The following NAV1 variants were observed in gnomAD, a reference collection of about 807,000 sequenced individuals.
NAV1 encodes the protein pore membrane and/or filament interacting like protein 3.
Under a neutral mutation model 175.2 loss-of-function variants are expected in NAV1, and 18 were observed. The observed-to-expected ratio is 0.10, with a 90% CI of 0.07 to 0.15. The LOEUF is 0.15. Ranked by LOEUF, NAV1 falls within the 10% of genes least tolerant of loss-of-function variation. NAV1 has a pLI of 1.00. For missense variants in NAV1, 1,731 were observed against 2,436.6 expected, an observed-to-expected ratio of 0.71 and a Z score of 6.10; for synonymous variants, 897 against 978.7, an observed-to-expected ratio of 0.92 and a Z score of 1.56.
At chr1:201,776,899 G>A (rs1675988567) in intron 3 of NAV1, among the ~76,000 whole-genome samples, 1 of 152,080 alleles carries the variant, frequency 6.6e-6, no homozygotes, top group African/African-American at 2.4e-5. Flanking sequence ...CACATCATTA[G>A]CGATGTTTCA....
At chr1:201,705,362 C>G in intron 1 of NAV1, among the ~76,000 whole-genome samples, 1 of 152,092 alleles carries the variant, frequency 6.6e-6, no homozygotes, top group East Asian at 1.9e-4. Context: ...CCTTGCCTCA[C>G]ACACCCATGT....
At chr1:201,571,672 G>A (rs1014811447) in intron 1 of NAV1, among the ~76,000 whole-genome samples, 6 of 152,236 alleles carry the variant, frequency 3.9e-5, no homozygotes, top group African/African-American at 1.2e-4. Context: ...CTGGCTAGGC[G>A]TTCTGTTTTG....
At chr1:201,600,022 G>A (rs79800134) in intron 2 of NAV1, among the ~76,000 whole-genome samples, 2,683 of 152,278 alleles carry the variant, frequency 0.018, 81 homozygotes, top group African/African-American at 0.061. Context: ...GCTTGGGCCC[G>A]GTTATCTGCC....
chr1:201,766,906 T>G lies in NAV1; in HGVS notation c.1227-13515T>G, dbSNP rs896802697. Among the ~76,000 whole-genome samples, 3 of 152,144 alleles carry G rather than the reference T, an allele frequency of 2.0e-5. No individual in the cohort carries two copies. In the East Asian group the frequency reaches 5.9e-4, roughly 30 times the overall value. On this transcript the variant is annotated intron_variant, in intron 3 of 29. Transcript: ENST00000367296. ...GGCGCGATCTCAGCTCACTGCAACC[T>G]CCGTCTCCTGGTTCAAGCAATTCTC...
intron 2 of NAV1, among the ~76,000 whole-genome samples, chr1:201,605,129 CTT>C (rs572596717): frequency 6.4e-5 from 9 of 139,790 alleles, no homozygotes; most frequent in Admixed American, 7.2e-5. Context: ...CTGGCTTCTG[CTT>C]TTTTTTTTTT....
chr1:201,654,825 C>T (rs952251330), intron 1 of NAV1, among the ~76,000 whole-genome samples: 1 of 152,124 alleles, frequency 6.6e-6, no homozygotes, highest in Non-Finnish European at 1.5e-5. Context: ...TTTACACTCT[C>T]CTAGTGACAG....
At chr1:201,553,812 G>A (rs945601617) in intron 1 of NAV1, among the ~76,000 whole-genome samples, 1 of 152,190 alleles carries the variant, frequency 6.6e-6, no homozygotes, top group African/African-American at 2.4e-5. Context: ...ATGTTTTTGA[G>A]ATTCATCCAT....
intron 15 of NAV1, among the ~76,000 whole-genome samples, chr1:201,802,136 C>CAAAAAAAAAAAAAAAAAAAAAAAAAAAAA (rs771631007): frequency 4.9e-5 from 1 of 20,304 alleles, no homozygotes; most frequent in Non-Finnish European, 1.4e-4. Flanking sequence ...GACTCCGTCT[C>CAAAAAAAAAAAAAAAAAAAAAAAAAAAAA]AAAAAAAAAA....
chr1:201,584,953 A>G (rs761748742), intron 1 of NAV1, among the ~76,000 whole-genome samples: 8 of 152,232 alleles, frequency 5.3e-5, no homozygotes, highest in Admixed American at 1.3e-4. Flanking sequence ...AAAGGCTCAC[A>G]TGAGTGAAGG....
At chr1:201,723,377 A>G (rs1672471997) in intron 3 of NAV1, 1 of 152,156 alleles carries the variant, frequency 6.6e-6, no homozygotes, top group Non-Finnish European at 1.5e-5. Context: ...CATTCTGTGT[A>G]TTGGGTTTCC....
At chr1:201,579,260 G>A (rs900973342) in intron 1 of NAV1, among the ~76,000 whole-genome samples, 7 of 152,138 alleles carry the variant, frequency 4.6e-5, no homozygotes, top group Non-Finnish European at 1.0e-4. Context: ...GACTTCTTCA[G>A]CTCCAAGTCT....
intron 3 of NAV1, among the ~76,000 whole-genome samples, chr1:201,755,562 GCT>G: frequency 6.6e-6 from 1 of 152,202 alleles, no homozygotes; most frequent in African/African-American, 2.4e-5. Context: ...TATCAACATT[GCT>G]GCAGGATAGG....
At chr1:201,570,753 A>G (rs1666513394) in intron 1 of NAV1, among the ~76,000 whole-genome samples, 1 of 152,202 alleles carries the variant, frequency 6.6e-6, no homozygotes, top group Non-Finnish European at 1.5e-5. Context: ...AGTCTTCCTC[A>G]CTTGGGATCT....
chr1:201,552,722 A>C (rs1665895898), intron 1 of NAV1, among the ~76,000 whole-genome samples: 3 of 152,084 alleles, frequency 2.0e-5, no homozygotes, highest in African/African-American at 7.2e-5. Flanking sequence ...GGCTCGCTGC[A>C]CCCCCATGTA....
intron 1 of NAV1, among the ~76,000 whole-genome samples, chr1:201,577,090 C>A (rs1232004058): frequency 1.3e-5 from 2 of 152,110 alleles, no homozygotes; most frequent in Non-Finnish European, 2.9e-5. Flanking sequence ...TGGCCTCAAG[C>A]AATCCTCCCA....
rs147255139 is a variant in NAV1, at chr1:201,772,890, G to A, written c.1227-7531G>A. ...CTACTAAAAATACAAAAAATTGGCC[G>A]GGCGTGGTGGCGGGTGCTTGTAGTC... On this transcript the variant is annotated intron_variant, in intron 3 of 29. Transcript: ENST00000367296. Among the ~76,000 whole-genome samples, 720 of 152,212 alleles carry A rather than the reference G, an allele frequency of 4.7e-3. 3 individuals carry two copies. The highest frequency in any genetic ancestry group is 0.016 in the African/African-American group (679 of 41,544).
At chr1:201,820,048 A>G in exon 30 of NAV1, 1 of 921,138 alleles carries the variant, frequency 1.1e-6, no homozygotes, top group Admixed American at 2.2e-5. Flanking sequence ...GGAGGAGAAC[A>G]GGAGGGAGGA....
chr1:201,599,136 G>T (rs1256448450), intron 2 of NAV1, among the ~76,000 whole-genome samples: 1 of 152,134 alleles, frequency 6.6e-6, no homozygotes, highest in Non-Finnish European at 1.5e-5. Flanking sequence ...GGCCAGGTTG[G>T]GCCCCCCAGG....
rs137905041 is a variant in NAV1 at position 201,559,009 on chromosome 1, A to G, written c.-144+19667A>G. Reference sequence around the variant, plus strand: ...TTAGTTCAGCATGTCAAAAGGCCATATTATGGGGTATCGTTTTCTGAGCCC... The same window carrying G: ...TTAGTTCAGCATGTCAAAAGGCCATGTTATGGGGTATCGTTTTCTGAGCCC... On this transcript the variant is annotated intron_variant, in intron 1 of 33. Transcript: ENST00000685211. Among the ~76,000 whole-genome samples the G allele has an allele frequency of 3.4e-4, 52 of 152,254 alleles. 1 individual carries two copies. The highest frequency in any genetic ancestry group is 1.2e-3 in the African/African-American group (49 of 41,530).
Sources: gnomAD v4.1 joint callset for allele counts (sites outside exome capture counted in the v4.1 genomes callset) on GRCh38, gnomAD v4.1.1 for gene constraint, MANE v1.5 for transcripts, NCBI Gene and HGNC (gene_info 2026-07-23, HGNC 2026-07-21) for gene names.